Variants in EFCAB11 observed in about 807,000 individuals in gnomAD.
EFCAB11 encodes the protein EF-hand calcium binding domain 11, also known as EF-hand calcium-binding domain-containing protein 11.
A neutral mutation model predicts 23.0 loss-of-function variants in EFCAB11; 14 were observed. The observed-to-expected ratio is 0.61, with a 90% confidence interval of 0.40 to 0.95. The LOEUF (loss-of-function observed/expected upper bound fraction) is 0.95. EFCAB11 is among the 40% of genes least tolerant of loss of function. The pLI is 0.00. For missense variants in EFCAB11, 198 were observed against 195.8 expected (o/e 1.01, Z -0.07); for synonymous variants, 65 against 66.6 (o/e 0.98, Z 0.11).
rs183914000 is a variant in EFCAB11, at chr14:89,845,818, G to A, written c.411-48494C>T. ...AGACGGATGTGCAGTCGGGAGTACT[G>A]GGTCGAGTGGTGCGTCTCTGGACAG... On this transcript the variant is annotated intron_variant, in intron 5 of 5. Transcript: ENST00000316738. Among the ~76,000 whole-genome samples, 291 of 152,290 alleles carry A rather than the reference G, an allele frequency of 1.9e-3. 1 individual carries two copies. The highest frequency in any genetic ancestry group is 3.3e-3 in the Non-Finnish European group (227 of 68,028).
chr14:89,886,041 G>C (rs1474001836), intron 5 of EFCAB11, among the ~76,000 whole-genome samples: 1 of 152,160 alleles, frequency 6.6e-6, no homozygotes, highest in East Asian at 1.9e-4. Context: ...AAGAGAGTGT[G>C]ATACTGGCAC....
chr14:89,826,504 C>T (rs112585236), intron 5 of EFCAB11, among the ~76,000 whole-genome samples: 4 of 151,350 alleles, frequency 2.6e-5, no homozygotes, highest in Non-Finnish European at 5.9e-5. Context: ...AGGTTTTAGG[C>T]AGAGGTGTTG....
intron 5 of EFCAB11, among the ~76,000 whole-genome samples, chr14:89,913,693 C>T (rs750353270): frequency 8.5e-5 from 13 of 152,196 alleles, no homozygotes; most frequent in African/African-American, 2.2e-4. Context: ...TTACCAACCA[C>T]GCTGAAGGCT....
At chr14:89,919,575 G>C (rs1889959741) in intron 5 of EFCAB11, among the ~76,000 whole-genome samples, 1 of 152,204 alleles carries the variant, frequency 6.6e-6, no homozygotes, top group Non-Finnish European at 1.5e-5. Flanking sequence ...CCGGTAACCA[G>C]TCCTGGGATT....
chr14:89,912,576 C>G lies in EFCAB11; in HGVS notation c.410+18965G>C, dbSNP rs73320795. Among the ~76,000 whole-genome samples the G allele has an allele frequency of 2.4e-3, 368 of 152,158 alleles. 1 individual carries two copies. The highest frequency in any genetic ancestry group is 8.7e-3 in the African/African-American group (361 of 41,496). On this transcript the variant is annotated intron_variant, in intron 5 of 5. Transcript: ENST00000316738. ...ATTAATATATGCTTTTTTTACATGA[C>G]CTATTTTTCCAGTGGGACTGAGGAT...
At chr14:89,845,205 C>T (rs1285322298) in intron 5 of EFCAB11, among the ~76,000 whole-genome samples, 2 of 152,092 alleles carry the variant, frequency 1.3e-5, no homozygotes, top group African/African-American at 2.4e-5. Context: ...TCTCTTCCAT[C>T]GGTACTTTCT....
At chr14:89,931,810 T>C in intron 4 of EFCAB11, among the ~76,000 whole-genome samples, 179 bp from the exon 5 acceptor site, 1 of 152,228 alleles carries the variant, frequency 6.6e-6, no homozygotes, top group South Asian at 2.1e-4. Flanking sequence ...TTTAAGATTC[T>C]AATAATACTT....
At chr14:89,908,632 TA>T (rs1223961318) in intron 5 of EFCAB11, among the ~76,000 whole-genome samples, 1 of 151,912 alleles carries the variant, frequency 6.6e-6, no homozygotes, top group Non-Finnish European at 1.5e-5. Context: ...TCTGAAAAAA[TA>T]AAAAAATCTG....
intron 2 of EFCAB11, 111 bp from the exon 3 acceptor site, chr14:89,950,253 G>T: frequency 8.7e-7 from 1 of 1,144,720 alleles, no homozygotes; most frequent in Non-Finnish European, 1.2e-6. Flanking sequence ...AACCAAGTCT[G>T]TTGAACCAAG....
At chr14:89,842,146 C>T (rs1462301602) in intron 5 of EFCAB11, among the ~76,000 whole-genome samples, 1 of 152,204 alleles carries the variant, frequency 6.6e-6, no homozygotes, top group Non-Finnish European at 1.5e-5. Context: ...CTTCTCCACA[C>T]ACCTCTCTCT....
intron 5 of EFCAB11, among the ~76,000 whole-genome samples, chr14:89,905,042 C>A (rs1889453976): frequency 6.6e-6 from 1 of 152,146 alleles, no homozygotes; most frequent in Admixed American, 6.5e-5. Context: ...GAAATAAATT[C>A]TTCCTCCTGC....
rs113407736 is a variant in EFCAB11 at position 89,932,489 on chromosome 14, A to C, written c.319+37T>G. 334 of 1,540,498 alleles carry C rather than the reference A, an allele frequency of 2.2e-4. 1 individual carries two copies. In the African/African-American group the frequency reaches 4.5e-3, roughly 21 times the overall value. On this transcript the variant is annotated intron_variant, in intron 4 of 5. Coordinates refer to ENST00000316738, the MANE Select transcript of EFCAB11 (RefSeq NM_145231.4). ...ATCCTATTTGCAATCCCTTAAAAGT[A>C]ATTTTTTTTACATCAAAACACTTTA... is the stretch of plus-strand genomic sequence containing the variant.
At chr14:89,952,514 C>A (rs1192161019) in intron 2 of EFCAB11, 1 of 985,238 alleles carries the variant, frequency 1.0e-6, no homozygotes, top group South Asian at 4.7e-5. Flanking sequence ...AAGAGTCAGC[C>A]CTGACTACTT....
intron 5 of EFCAB11, among the ~76,000 whole-genome samples, chr14:89,890,995 A>G (rs1888947181): frequency 6.6e-6 from 1 of 152,220 alleles, no homozygotes; most frequent in Non-Finnish European, 1.5e-5. Flanking sequence ...AGAAGTTATG[A>G]GTGTTGACTG....
chr14:89,904,735 A>G (rs770573377), intron 5 of EFCAB11, among the ~76,000 whole-genome samples: 1 of 152,188 alleles, frequency 6.6e-6, no homozygotes, highest in Non-Finnish European at 1.5e-5. Flanking sequence ...AGTGATGATG[A>G]GCATTTTTGC....
At chr14:89,900,393 A>G (rs1889303964) in intron 5 of EFCAB11, among the ~76,000 whole-genome samples, 1 of 152,214 alleles carries the variant, frequency 6.6e-6, no homozygotes, top group South Asian at 2.1e-4. Flanking sequence ...CTAGAATGGA[A>G]TATTTTGTTT....
intron 5 of EFCAB11, among the ~76,000 whole-genome samples, chr14:89,882,922 T>C (rs1021469852): frequency 8.6e-5 from 13 of 152,040 alleles, no homozygotes; most frequent in Non-Finnish European, 1.3e-4. Flanking sequence ...TCTCTTGGGG[T>C]TGAGGGTGAG....
chr14:89,834,855 T>C (rs1327296591), intron 5 of EFCAB11, among the ~76,000 whole-genome samples: 3 of 152,074 alleles, frequency 2.0e-5, no homozygotes, highest in East Asian at 3.8e-4. Context: ...CCAGAGGAAG[T>C]AGAAAAGGGC....
chr14:89,817,899 C>T (rs1416656273), intron 5 of EFCAB11, among the ~76,000 whole-genome samples: 1 of 151,974 alleles, frequency 6.6e-6, no homozygotes, highest in African/African-American at 2.4e-5. Context: ...GATGCTGTGG[C>T]AGGAGAATCA....
Sources: gnomAD v4.1 joint callset for allele counts (sites outside exome capture counted in the v4.1 genomes callset) on GRCh38, gnomAD v4.1.1 for gene constraint, MANE v1.5 for transcripts, NCBI Gene and HGNC (gene_info 2026-07-23, HGNC 2026-07-21) for gene names.